The following ADGRB3 variants were observed in gnomAD, a reference collection of about 807,000 sequenced individuals.
ADGRB3 encodes adhesion G protein-coupled receptor B3.
Under a neutral mutation model 193.4 loss-of-function variants are expected in ADGRB3, and 37 were observed. The ratio of observed to expected loss-of-function variants is 0.19; its 90% CI spans 0.15 to 0.25. The LOEUF is 0.25. Ranked by LOEUF, ADGRB3 falls within the 10% of genes least tolerant of loss-of-function variation. The probability of loss-of-function intolerance (pLI) is 1.00; values close to 1 mark genes in which losing one functional copy is unlikely to be tolerated. For missense variants in ADGRB3, 1,637 were observed against 1,852.9 expected (o/e 0.88, Z 2.14); for synonymous variants, 690 against 644.2 (o/e 1.07, Z -1.08).
At chr6:68,804,793 C>T (rs1767372950) in intron 3 of ADGRB3, among the ~76,000 whole-genome samples, 1 of 152,072 alleles carries the variant, frequency 6.6e-6, no homozygotes, top group South Asian at 2.1e-4. Flanking sequence ...TAAAATATTA[C>T]AGTTCTTCAA....
chr6:69,224,490 T>C (rs1765967954), intron 17 of ADGRB3, among the ~76,000 whole-genome samples: 1 of 152,166 alleles, frequency 6.6e-6, no homozygotes, highest in Non-Finnish European at 1.5e-5. Flanking sequence ...GAATGAATTA[T>C]TTTATGGCTT....
At chr6:69,093,047 A>G (rs891616951) in intron 17 of ADGRB3, among the ~76,000 whole-genome samples, 1 of 149,542 alleles carries the variant, frequency 6.7e-6, no homozygotes, top group Admixed American at 6.6e-5. Context: ...TCAGTGGAGG[A>G]GGGGTGGGCA....
intron 3 of ADGRB3, among the ~76,000 whole-genome samples, chr6:68,736,856 A>G (rs1189146929): frequency 4.6e-5 from 7 of 152,176 alleles, no homozygotes; most frequent in Admixed American, 3.9e-4. Context: ...AATGACAACT[A>G]TTAGTCACTA....
rs867381897 is a variant in ADGRB3 at position 68,789,533 on chromosome 6, C to G, written c.758-141026C>G. On this transcript the variant is annotated intron_variant, in intron 3 of 31. Coordinates refer to ENST00000370598, the MANE Select transcript of ADGRB3 (RefSeq NM_001704.3). ...TTCTGCGGAGAGATCAGCTGTTAGT[C>G]TGATGAGCTTCCCTTTGTGGGTAAT... 3.5e-4 allele frequency among the ~76,000 whole-genome samples: 53 copies of G among 152,342 alleles called. 1 individual carries two copies. The Middle Eastern group carries it at 0.017, about 49-fold the overall frequency.
intron 17 of ADGRB3, among the ~76,000 whole-genome samples, chr6:69,120,931 T>G (rs1315005738): frequency 1.3e-5 from 2 of 152,056 alleles, no homozygotes; most frequent in Non-Finnish European, 2.9e-5. Context: ...AAGAGAAACA[T>G]GTATTTTTAC....
chr6:68,916,906 A>G (rs1430005117), intron 3 of ADGRB3, among the ~76,000 whole-genome samples: 2 of 152,206 alleles, frequency 1.3e-5, no homozygotes, highest in Non-Finnish European at 2.9e-5. Context: ...TTCTATTCTA[A>G]ATACTGAGAA....
intron 20 of ADGRB3, among the ~76,000 whole-genome samples, chr6:69,322,234 T>G (rs540273383): frequency 6.6e-6 from 1 of 152,074 alleles, no homozygotes; most frequent in African/African-American, 2.4e-5. Flanking sequence ...GTACCATATT[T>G]TCTTTATTCA....
intron 20 of ADGRB3, among the ~76,000 whole-genome samples, chr6:69,289,172 T>TA (rs1767614447): frequency 6.6e-6 from 1 of 152,164 alleles, no homozygotes; most frequent in Non-Finnish European, 1.5e-5. Context: ...AAAGCAATTG[T>TA]AAAAGAAGAT....
At chr6:69,255,600 T>G (rs1191260980) in intron 20 of ADGRB3, among the ~76,000 whole-genome samples, 1 of 152,216 alleles carries the variant, frequency 6.6e-6, no homozygotes, top group Non-Finnish European at 1.5e-5. Flanking sequence ...TTCTGGATAT[T>G]AGCCCTTTTT....
intron 10 of ADGRB3, among the ~76,000 whole-genome samples, chr6:68,981,662 A>G (rs1431766960): frequency 6.6e-6 from 1 of 151,464 alleles, no homozygotes; most frequent in Non-Finnish European, 1.5e-5. Context: ...GAGCACAGCT[A>G]CAGACAGTAA....
At chr6:68,779,700 A>G (rs1280541400) in intron 3 of ADGRB3, among the ~76,000 whole-genome samples, 2 of 152,088 alleles carry the variant, frequency 1.3e-5, no homozygotes, top group Non-Finnish European at 2.9e-5. Context: ...TATTTTTTAA[A>G]TCTGAGGCTT....
At chr6:68,685,740 A>T (rs534470121) in intron 3 of ADGRB3, among the ~76,000 whole-genome samples, 2 of 152,108 alleles carry the variant, frequency 1.3e-5, no homozygotes, top group South Asian at 4.2e-4. Context: ...AAGAAAAAAA[A>T]AAATTAGCCG....
chr6:68,845,937 C>A lies in ADGRB3; in HGVS notation c.758-84622C>A, dbSNP rs62418577. On this transcript the variant is annotated intron_variant, in intron 3 of 31. Transcript: ENST00000370598. ...ATGATTTCGAGGGCTCAGAAGAAGA[C>A]AGGAAAATGTGGGAAAGTTTAGAAC... 3.5e-3 allele frequency among the ~76,000 whole-genome samples: 534 copies of A among 152,092 alleles called. 1 individual carries two copies. Among genetic ancestry groups the A allele is most frequent in the African/African-American group, 0.012 (496 of 41,508 alleles).
intron 20 of ADGRB3, among the ~76,000 whole-genome samples, chr6:69,314,427 A>T (rs1200813807): frequency 5.9e-5 from 9 of 151,604 alleles, no homozygotes; most frequent in African/African-American, 1.9e-4. Flanking sequence ...CTTTATATTG[A>T]CAGTTTCTTC....
Position 68,865,146 on chromosome 6 carries a change from GTC to G in ADGRB3, c.758-65411_758-65410del, listed in dbSNP as rs577028018. Among the ~76,000 whole-genome samples, 290 of 152,120 alleles carry G rather than the reference GTC, an allele frequency of 1.9e-3. 1 individual carries two copies. Among genetic ancestry groups the G allele is most frequent in the Non-Finnish European group, 3.4e-3 (229 of 68,008 alleles). ...AAAATAAATACCAACAGAAACCTGA[GTC>G]TTGTTTCACCCCCAGTTTATGAGGA... On this transcript the variant is annotated intron_variant, in intron 3 of 31. Coordinates refer to ENST00000370598, the MANE Select transcript of ADGRB3 (RefSeq NM_001704.3).
At chr6:69,295,917 G>C (rs757062431) in intron 20 of ADGRB3, among the ~76,000 whole-genome samples, 1 of 152,140 alleles carries the variant, frequency 6.6e-6, no homozygotes, top group Non-Finnish European at 1.5e-5. Context: ...TCACATAGCA[G>C]AACCAGACTA....
chr6:69,239,265 A>C, intron 20 of ADGRB3, 39 bp downstream of exon 20: 1 of 1,336,932 alleles, frequency 7.5e-7, no homozygotes, highest in East Asian at 2.4e-5. Flanking sequence ...TTTTGTGTTT[A>C]TATTTTGGCA....
At chr6:68,910,973 T>C (rs148187975) in intron 3 of ADGRB3, among the ~76,000 whole-genome samples, 3,677 of 152,212 alleles carry the variant, frequency 0.024, 72 homozygotes, top group Middle Eastern at 0.048. Flanking sequence ...GGGGATGGCA[T>C]TGAAACTATA....
intron 3 of ADGRB3, among the ~76,000 whole-genome samples, chr6:68,744,214 T>C (rs1477582933): frequency 6.6e-6 from 1 of 151,050 alleles, no homozygotes; most frequent in South Asian, 2.1e-4. Context: ...AAACAGAACT[T>C]TTTTTAATGA....
Sources: allele counts gnomAD v4.1 joint callset (sites outside exome capture counted in the v4.1 genomes callset), GRCh38; gene constraint gnomAD v4.1.1; transcripts MANE v1.5; gene names NCBI Gene and HGNC (gene_info 2026-07-23, HGNC 2026-07-21).